Variants in PLA2G4A observed in about 807,000 individuals in gnomAD.
PLA2G4A encodes the protein cytosolic phospholipase A2.
In PLA2G4A, 40 loss-of-function variants were observed where a neutral mutation model predicts 81.9. That is an observed-to-expected ratio of 0.49 (90% CI 0.38 to 0.64). PLA2G4A has a LOEUF of 0.64. Ranked by LOEUF, PLA2G4A falls within the 30% of genes least tolerant of loss-of-function variation. The probability of loss-of-function intolerance (pLI) is 0.00; values close to 1 mark genes in which losing one functional copy is unlikely to be tolerated. For missense variants in PLA2G4A, 715 were observed against 905.1 expected (o/e 0.79, Z 2.69); for synonymous variants, 302 against 296.9 (o/e 1.02, Z -0.18).
At position 186,988,589 on chromosome 1, in the gene PLA2G4A, CA is replaced by C; in HGVS notation, c.*82del. The C allele has an allele frequency of 6.5e-6, 8 of 1,236,738 alleles. No individual in the cohort carries two copies. The highest frequency in any genetic ancestry group is 8.3e-6 in the Non-Finnish European group (7 of 845,124). The allele number at this position is 1,236,738 out of a possible 1,614,324, so 76.6% of individuals were successfully genotyped here. A position where few individuals can be genotyped will look rare whatever the true frequency, so the allele number is the denominator to read the frequency against. On this transcript the variant is annotated 3_prime_UTR_variant, in exon 18 of 18. Coordinates refer to ENST00000367466, the MANE Select transcript of PLA2G4A (RefSeq NM_024420.3). ...GACAACTGGATTTAAAAGTACAGTA[CA>C]GATAGTCGTACTGATCATGAGAGAC...
intron 6 of PLA2G4A, 69 bp downstream of exon 6, chr1:186,907,071 G>T (rs1003344619): frequency 5.9e-6 from 5 of 845,862 alleles, no homozygotes; most frequent in South Asian, 4.3e-5. Flanking sequence ...AATTGTTAAA[G>T]AATTTTTTTA....
rs1270506371 is a variant in PLA2G4A, at chr1:186,977,655, T to C, written c.1827T>C (p.Pro609=). The change falls in exon 16 of 18, where the codon CCT becomes CCC. Residue 609 remains proline, a synonymous_variant. Transcript: ENST00000367466. ...MNKLPFPKID[P]YVFDREGLKE... ...AGCTCCCCTTTCCAAAGATTGATCC[T>C]TATGTGTTTGATCGGGAAGGGCTGA... 1 of 1,613,572 alleles carries C rather than the reference T, an allele frequency of 6.2e-7. No homozygotes were observed. The highest frequency in any genetic ancestry group is 8.5e-7 in the Non-Finnish European group (1 of 1,179,484).
chr1:186,955,900 A>AT (rs5779313), intron 13 of PLA2G4A, among the ~76,000 whole-genome samples: 98,006 of 144,856 alleles, frequency 0.68, 33,781 homozygotes, highest in East Asian at 0.83. Context: ...TGACCAGCTA[A>AT]TTTTTTTTTT....
chr1:186,893,107 G>A lies in PLA2G4A; in HGVS notation c.212G>A (p.Trp71Ter). 1 of 1,611,756 alleles carries A rather than the reference G, an allele frequency of 6.2e-7. No homozygotes were observed. The highest frequency in any genetic ancestry group is 8.5e-7 in the Non-Finnish European group (1 of 1,177,900). The change falls in exon 4 of 18, where the codon TGG becomes TAG. Residue 71 changes from tryptophan (W) to a stop codon, truncating the protein, a stop_gained. Coordinates refer to ENST00000367466, the MANE Select transcript of PLA2G4A (RefSeq NM_024420.3). LOFTEE classifies it high-confidence loss of function. ...RHFNNDINPV[W>*]NETFEFILDP... Reference sequence around the variant, plus strand: ...TTCAATAATGACATAAACCCTGTGTGGAATGAGACCTTTGAATTTATTTTG... The same window carrying A: ...TTCAATAATGACATAAACCCTGTGTAGAATGAGACCTTTGAATTTATTTTG...
intron 7 of PLA2G4A, among the ~76,000 whole-genome samples, chr1:186,924,530 T>C (rs1285378903): frequency 1.3e-5 from 2 of 152,182 alleles, no homozygotes; most frequent in East Asian, 3.9e-4. Context: ...CATATAGTAA[T>C]TCCTCAAGTC....
At chr1:186,848,373 C>T (rs1428982985) in intron 1 of PLA2G4A, among the ~76,000 whole-genome samples, 1 of 152,070 alleles carries the variant, frequency 6.6e-6, no homozygotes, top group African/African-American at 2.4e-5. Context: ...AGTTATCAAG[C>T]TTGGGAGGGT....
At chr1:186,963,225 G>T (rs1657021550) in intron 14 of PLA2G4A, among the ~76,000 whole-genome samples, 1 of 152,082 alleles carries the variant, frequency 6.6e-6, no homozygotes, top group Non-Finnish European at 1.5e-5. Flanking sequence ...TTAAGCCAAA[G>T]AATATTTTTA....
intron 7 of PLA2G4A, among the ~76,000 whole-genome samples, chr1:186,931,285 C>A (rs1363120058): frequency 6.6e-6 from 1 of 151,972 alleles, no homozygotes; most frequent in Non-Finnish European, 1.5e-5. Context: ...CATACAGATT[C>A]AAAGCCATTT....
intron 2 of PLA2G4A, among the ~76,000 whole-genome samples, chr1:186,869,521 C>G (rs1215329865): frequency 1.3e-5 from 2 of 152,106 alleles, no homozygotes; most frequent in African/African-American, 4.8e-5. Flanking sequence ...TATTCTACTA[C>G]TGCTGGTCCT....
chr1:186,836,782 G>GTA (rs1285533180), intron 1 of PLA2G4A, among the ~76,000 whole-genome samples: 2 of 152,168 alleles, frequency 1.3e-5, no homozygotes. Flanking sequence ...AATAAAGCAG[G>GTA]TATAGTTCAT....
rs1375019158 is a variant in PLA2G4A at position 186,896,528 on chromosome 1, C to T, written c.378+2317C>T. On this transcript the variant is annotated intron_variant, in intron 5 of 17. Transcript: ENST00000367466. ...GCTCTCAGTAAATGTCTGTTGAGGG[C>T]TTTGGAAGCATGGATTGGACCTCCT... is the stretch of plus-strand genomic sequence containing the variant. 2.0e-5 allele frequency among the ~76,000 whole-genome samples: 3 copies of T among 152,294 alleles called. No homozygotes were observed. In the East Asian group the frequency reaches 5.8e-4, roughly 29 times the overall value.
At chr1:186,945,340 G>A (rs1656302274) in intron 10 of PLA2G4A, among the ~76,000 whole-genome samples, 1 of 152,144 alleles carries the variant, frequency 6.6e-6, no homozygotes, top group Non-Finnish European at 1.5e-5. Flanking sequence ...CAGGGAGTGG[G>A]ATCTAGGCCA....
At chr1:186,925,639 T>C (rs564595119) in intron 7 of PLA2G4A, among the ~76,000 whole-genome samples, 4 of 152,302 alleles carry the variant, frequency 2.6e-5, no homozygotes, top group Admixed American at 2.6e-4. Context: ...TCTCCCATCC[T>C]TTAATGAGCA....
At chr1:186,884,532 A>G (rs920958664) in intron 3 of PLA2G4A, among the ~76,000 whole-genome samples, 1 of 152,054 alleles carries the variant, frequency 6.6e-6, no homozygotes. Flanking sequence ...TGTCTAGAGG[A>G]ATGAAAAGCT....
chr1:186,902,603 C>T (rs555738238), intron 5 of PLA2G4A, among the ~76,000 whole-genome samples: 1 of 152,172 alleles, frequency 6.6e-6, no homozygotes, highest in South Asian at 2.1e-4. Context: ...AACTGAAGAA[C>T]GACAAAAGAA....
chr1:186,857,625 CTT>C (rs1652638798), intron 2 of PLA2G4A, among the ~76,000 whole-genome samples: 1 of 146,530 alleles, frequency 6.8e-6, no homozygotes, highest in Admixed American at 7.0e-5. Flanking sequence ...TAAAATTAAA[CTT>C]TAAGTTCTAG....
chr1:186,872,206 T>G (rs1014003432), intron 3 of PLA2G4A, among the ~76,000 whole-genome samples: 2 of 152,160 alleles, frequency 1.3e-5, no homozygotes, highest in African/African-American at 4.8e-5. Context: ...AATATTTTTC[T>G]GAAGTTATTC....
intron 7 of PLA2G4A, among the ~76,000 whole-genome samples, chr1:186,919,891 G>T (rs1437178400): frequency 6.6e-6 from 1 of 152,168 alleles, no homozygotes; most frequent in African/African-American, 2.4e-5. Flanking sequence ...GGCAGGAGGG[G>T]GGGTGTTCCA....
intron 14 of PLA2G4A, among the ~76,000 whole-genome samples, chr1:186,957,640 T>C (rs6425065): frequency 0.96 from 145,909 of 152,300 alleles, 69,940 homozygotes; most frequent in East Asian, 1. Flanking sequence ...ACTAGGCTAT[T>C]GGAACTATCT....
Sources: allele counts gnomAD v4.1 joint callset (sites outside exome capture counted in the v4.1 genomes callset), GRCh38; gene constraint gnomAD v4.1.1; transcripts MANE v1.5; gene names NCBI Gene and HGNC (gene_info 2026-07-23, HGNC 2026-07-21).